Variants in TTC17 observed in about 807,000 individuals in gnomAD.
TTC17 encodes the protein tetratricopeptide repeat domain 17, also known as tetratricopeptide repeat protein 17.
Under a neutral mutation model 143.8 loss-of-function variants are expected in TTC17, and 58 were observed. The ratio of observed to expected loss-of-function variants is 0.40; its 90% CI spans 0.33 to 0.50. TTC17 has a LOEUF of 0.50. TTC17 is among the 20% of genes least tolerant of loss of function. The pLI is 0.49. For missense variants in TTC17, 1,273 were observed against 1,392.5 expected (o/e 0.91, Z 1.37); for synonymous variants, 501 against 497.8 (o/e 1.01, Z -0.09).
At chr11:43,372,446 G>T (rs1856603644) in intron 1 of TTC17, among the ~76,000 whole-genome samples, 1 of 151,296 alleles carries the variant, frequency 6.6e-6, no homozygotes, top group African/African-American at 2.4e-5. Context: ...GGGATTACAG[G>T]TACCTACCAC....
At chr11:43,396,596 C>G (rs1364413713) in intron 5 of TTC17, 113 bp from the exon 6 acceptor site, 1 of 531,374 alleles carries the variant, frequency 1.9e-6, no homozygotes, top group Non-Finnish European at 3.3e-6. Flanking sequence ...TTCAGTCTGG[C>G]TCTTCTTCAT....
Position 43,493,960 on chromosome 11 carries a change from A to G in TTC17, c.*56A>G, listed in dbSNP as rs1948516309. The G allele has an allele frequency of 2.0e-6, 3 of 1,510,604 alleles. No individual in the cohort carries two copies. Among genetic ancestry groups the G allele is most frequent in the Non-Finnish European group, 2.7e-6 (3 of 1,129,234 alleles). The allele number at this position is 1,510,604 out of a possible 1,614,324, so 93.6% of individuals were successfully genotyped here. On this transcript the variant is annotated 3_prime_UTR_variant, in exon 24 of 24. Coordinates refer to ENST00000039989, the MANE Select transcript of TTC17 (RefSeq NM_018259.6). Reference sequence around the variant, plus strand: ...TCATGCTCTAAAAAAAAAGAATAAGAAAAGAAACCAATCATTGTCAGTATC... The same window carrying G: ...TCATGCTCTAAAAAAAAAGAATAAGGAAAGAAACCAATCATTGTCAGTATC...
intron 1 of TTC17, among the ~76,000 whole-genome samples, chr11:43,376,128 A>G (rs914723926): frequency 5.3e-5 from 8 of 152,212 alleles, no homozygotes; most frequent in African/African-American, 1.9e-4. Flanking sequence ...ATTTTGGAGC[A>G]TTTCAGATTT....
intron 15 of TTC17, among the ~76,000 whole-genome samples, chr11:43,414,309 C>G (rs1168424936): frequency 6.6e-6 from 1 of 152,116 alleles, no homozygotes; most frequent in East Asian, 1.9e-4. Flanking sequence ...TCCTGGAGTA[C>G]TGAAAACATT....
intron 21 of TTC17, among the ~76,000 whole-genome samples, chr11:43,473,983 C>G (rs1948139147): frequency 6.6e-6 from 1 of 152,024 alleles, no homozygotes; most frequent in Non-Finnish European, 1.5e-5. Context: ...TTTTAGCCAG[C>G]AATTCTACTT....
chr11:43,475,565 T>C (rs4254062), intron 21 of TTC17, among the ~76,000 whole-genome samples: 1 of 152,096 alleles, frequency 6.6e-6, no homozygotes, highest in African/African-American at 2.4e-5. Context: ...ACTCAAGCAG[T>C]CCACCCACCT....
intron 2 of TTC17, among the ~76,000 whole-genome samples, chr11:43,381,223 T>C (rs1856956446): frequency 6.6e-6 from 1 of 152,188 alleles, no homozygotes; most frequent in Non-Finnish European, 1.5e-5. Context: ...AAGCTTCTGC[T>C]TCATATGCAT....
At chr11:43,371,957 A>C (rs1856583614) in intron 1 of TTC17, among the ~76,000 whole-genome samples, 1 of 152,210 alleles carries the variant, frequency 6.6e-6, no homozygotes, top group Admixed American at 6.5e-5. Flanking sequence ...CTGTAGTCCC[A>C]GTTACTCCGG....
At chr11:43,435,667 G>A (rs1947276160) in intron 16 of TTC17, among the ~76,000 whole-genome samples, 1 of 152,126 alleles carries the variant, frequency 6.6e-6, no homozygotes, top group Non-Finnish European at 1.5e-5. Flanking sequence ...TTGACTTTCT[G>A]CCATCATCCC....
In TTC17 at chr11:43,450,148, C is replaced by T. The variant is rs1947629311; in HGVS notation, c.2853C>T (p.Gly951=). Residue 951 remains glycine (G), a synonymous_variant, in exon 20 of 24, where the codon GGC becomes GGT. Transcript: ENST00000039989. ...CAGCAATGGAGCCTCTTTGCAATGG[C>T]AATCTCCCCACGAGTATGCATACCC... The part of the protein sequence containing the change: ...QQPAMEPLCN[G]NLPTSMHTLD... The T allele has an allele frequency of 1.9e-6, 3 of 1,614,184 alleles. No individual in the cohort carries two copies. Among genetic ancestry groups the T allele is most frequent in the East Asian group, 2.2e-5 (1 of 44,880 alleles).
chr11:43,446,619 CCTTT>C (rs1326505332), intron 18 of TTC17: 7 of 963,478 alleles, frequency 7.3e-6, no homozygotes, highest in African/African-American at 1.8e-5. Context: ...CAAAACTGTT[CCTTT>C]CTGTTTTGTT....
chr11:43,374,185 A>C (rs1856676977), intron 1 of TTC17, among the ~76,000 whole-genome samples: 1 of 152,230 alleles, frequency 6.6e-6, no homozygotes, highest in Non-Finnish European at 1.5e-5. Flanking sequence ...AGCACTCCCT[A>C]TTCAATAAAT....
At chr11:43,461,992 T>C (rs752313248) in intron 21 of TTC17, among the ~76,000 whole-genome samples, 33 of 151,032 alleles carry the variant, frequency 2.2e-4, no homozygotes, top group South Asian at 6.3e-4. Flanking sequence ...TACATAAAAG[T>C]AGAGCACAAA....
chr11:43,366,505 C>CAAAAAAAAA (rs11284058), intron 1 of TTC17, among the ~76,000 whole-genome samples: 1 of 122,010 alleles, frequency 8.2e-6, no homozygotes, highest in Non-Finnish European at 1.8e-5. Flanking sequence ...GACTCTGCCT[C>CAAAAAAAAA]AAAAAAAAAA....
intron 21 of TTC17, among the ~76,000 whole-genome samples, chr11:43,460,714 A>G (rs758250181): frequency 1.3e-5 from 2 of 152,176 alleles, no homozygotes; most frequent in Non-Finnish European, 2.9e-5. Context: ...AACTGCAGAC[A>G]TGTGGGGACT....
rs1468691727 is a variant in TTC17, at chr11:43,494,694, G to C, written c.*790G>C. On this transcript the variant is annotated 3_prime_UTR_variant, in exon 24 of 24. Transcript: ENST00000039989. ...GTATATTTGAAGCCCTCTACAGACT[G>C]AGTCTATGTTTTACTAATTCTTTGT... The C allele has an allele frequency of 2.0e-5, 3 of 152,152 alleles. No individual in the cohort carries two copies. The highest frequency in any genetic ancestry group is 1.3e-4 in the Admixed American group (2 of 15,274). 9.4% of individuals were successfully genotyped at this position (152,152 alleles called of 1,614,324 possible). A position where few individuals can be genotyped will look rare whatever the true frequency, so the allele number is the denominator to read the frequency against.
At chr11:43,449,106 C>G (rs1235655094) in intron 19 of TTC17, 1 of 152,404 alleles carries the variant, frequency 6.6e-6, no homozygotes, top group Non-Finnish European at 1.5e-5. Flanking sequence ...TCTGTTCACT[C>G]TTGCCTCTGT....
At chr11:43,458,999 C>T (rs188648934) in intron 21 of TTC17, among the ~76,000 whole-genome samples, 2 of 152,246 alleles carry the variant, frequency 1.3e-5, no homozygotes, top group Non-Finnish European at 2.9e-5. Flanking sequence ...GTACTATCCA[C>T]AGTTTCAGGC....
intron 3 of TTC17, 102 bp from the exon 4 acceptor site, chr11:43,391,363 C>T (rs926013761): frequency 2.0e-5 from 15 of 752,020 alleles, no homozygotes; most frequent in Non-Finnish European, 2.2e-5. Context: ...CATGCCACTG[C>T]ACTCCAGCCT....
Sources: gnomAD v4.1 joint callset for allele counts (sites outside exome capture counted in the v4.1 genomes callset) on GRCh38, gnomAD v4.1.1 for gene constraint, MANE v1.5 for transcripts, NCBI Gene and HGNC (gene_info 2026-07-23, HGNC 2026-07-21) for gene names.